CCDC171: variants seen among roughly 807,000 people sequenced by gnomAD.
CCDC171 encodes coiled-coil domain-containing protein 171.
In CCDC171, 177 loss-of-function variants were observed where a neutral mutation model predicts 168.2. The ratio of observed to expected loss-of-function variants is 1.05; its 90% CI spans 0.93 to 1.19. The LOEUF (loss-of-function observed/expected upper bound fraction) is 1.19, where lower values mean the gene tolerates loss of function less well. Ranked by LOEUF, CCDC171 falls within the 50% of genes most tolerant of loss-of-function variation. The pLI is 0.00. For missense variants in CCDC171, 1,991 were observed against 1,539.0 expected (o/e 1.29, Z -4.91); for synonymous variants, 687 against 540.8 (o/e 1.27, Z -3.75).
chr9:16,051,908 A>T (rs1461081212), intron 1 of CCDC171, among the ~76,000 whole-genome samples: 2 of 152,224 alleles, frequency 1.3e-5, no homozygotes, highest in African/African-American at 4.8e-5. Context: ...AGGAAGTCGA[A>T]TGAGGAGCAA....
intron 8 of CCDC171, among the ~76,000 whole-genome samples, chr9:15,663,450 A>G (rs2048472349): frequency 1.3e-5 from 2 of 151,394 alleles, no homozygotes; most frequent in Non-Finnish European, 2.9e-5. Context: ...CCATTCCTCT[A>G]CCCTCCTGCC....
intron 21 of CCDC171, among the ~76,000 whole-genome samples, chr9:15,790,927 G>T (rs1460992169): frequency 2.6e-5 from 4 of 152,264 alleles, no homozygotes; most frequent in Non-Finnish European, 4.4e-5. Flanking sequence ...TATTATTTCT[G>T]AGGGCTCTGT....
At chr9:16,082,304 A>G in the CCDC171 span, among the ~76,000 whole-genome samples, 1 of 152,210 alleles carries the variant, frequency 6.6e-6, no homozygotes, top group African/African-American at 2.4e-5. Context: ...AACATTTCTA[A>G]TCAAGTGAGT....
chr9:15,908,568 C>T (rs1014448043), intron 24 of CCDC171, among the ~76,000 whole-genome samples: 3 of 152,108 alleles, frequency 2.0e-5, no homozygotes, highest in African/African-American at 7.2e-5. Context: ...TGATTAGTTA[C>T]TGGGTGCAGC....
At chr9:15,772,351 CT>C (rs368383020) in intron 18 of CCDC171, among the ~76,000 whole-genome samples, 21 of 148,674 alleles carry the variant, frequency 1.4e-4, no homozygotes, top group South Asian at 2.1e-4. Context: ...TCGCTTACTA[CT>C]TTTTTTTTTG....
chr9:15,632,185 A>G (rs1393225956), intron 7 of CCDC171, among the ~76,000 whole-genome samples: 2 of 146,286 alleles, frequency 1.4e-5, no homozygotes, highest in East Asian at 4.3e-4. Flanking sequence ...ATTAGGCAGG[A>G]GAAGGAAATA....
the CCDC171 span, among the ~76,000 whole-genome samples, chr9:16,090,676 A>G: frequency 3.9e-5 from 6 of 152,376 alleles, no homozygotes; most frequent in Admixed American, 1.3e-4. Context: ...ACTTCTCACC[A>G]TGAAGTTTAT....
chr9:15,828,467 C>G (rs2060104606), intron 21 of CCDC171, among the ~76,000 whole-genome samples: 1 of 152,042 alleles, frequency 6.6e-6, no homozygotes, highest in Admixed American at 6.6e-5. Context: ...AATAATTTTG[C>G]TTATTGTATA....
chr9:16,033,890 G>T (rs1833413279), intron 6 of CCDC171, among the ~76,000 whole-genome samples: 1 of 152,212 alleles, frequency 6.6e-6, no homozygotes, highest in African/African-American at 2.4e-5. Context: ...AAGGGCAGGT[G>T]TGCCTCCTGG....
chr9:15,591,309 G>T, intron 4 of CCDC171, 57 bp from the exon 5 acceptor site: 1 of 1,083,644 alleles, frequency 9.2e-7, no homozygotes, highest in Non-Finnish European at 1.4e-6. Flanking sequence ...TAGGTTTTGG[G>T]GCTCCTTGTT....
chr9:15,657,061 CTGT>C, intron 7 of CCDC171, 63 bp from the exon 8 acceptor site: 1 of 850,878 alleles, frequency 1.2e-6, no homozygotes, highest in Non-Finnish European at 1.8e-6. Context: ...TAATGCTGGA[CTGT>C]AGTGATCCAT....
chr9:16,092,956 G>C, the CCDC171 span, among the ~76,000 whole-genome samples: 2 of 152,216 alleles, frequency 1.3e-5, no homozygotes, highest in South Asian at 4.1e-4. Context: ...TGGTCCTCGT[G>C]CTGGCAGAGC....
chr9:15,647,459 C>A (rs1388217442), intron 7 of CCDC171, among the ~76,000 whole-genome samples: 1 of 152,010 alleles, frequency 6.6e-6, no homozygotes, highest in Non-Finnish European at 1.5e-5. Context: ...AATTTAGCAG[C>A]TGGTTTTTTT....
intron 24 of CCDC171, among the ~76,000 whole-genome samples, chr9:15,903,748 G>A (rs573874367): frequency 4.6e-5 from 7 of 152,222 alleles, no homozygotes; most frequent in African/African-American, 1.7e-4. Context: ...GAGGAAGTTC[G>A]AACCCATGGC....
In CCDC171 at chr9:15,784,641, T is replaced by A; in HGVS notation, c.3214T>A (p.Leu1072Met). ...QLQELNYKLE[L>M]HSSEEADKNQ... ...ACAGGAATTGAATTATAAACTTGAA[T>A]TGCACTCCAGTGAGGAAGCTGACAA... Residue 1072 changes from leucine (L) to methionine (M), a missense_variant, in exon 21 of 26, where the codon TTG (leucine) becomes ATG (methionine). By Grantham distance (15) the Leu-to-Met change is conservative. Transcript: ENST00000380701. The A allele has an allele frequency of 6.2e-7, 1 of 1,613,406 alleles. No homozygotes were observed. Among genetic ancestry groups the A allele is most frequent in the Non-Finnish European group, 8.5e-7 (1 of 1,179,610 alleles).
intron 9 of CCDC171, among the ~76,000 whole-genome samples, chr9:15,676,613 C>G (rs1451991955): frequency 2.0e-5 from 3 of 152,110 alleles, no homozygotes; most frequent in Non-Finnish European, 2.9e-5. Context: ...GGAATTCCCT[C>G]TAATTCTCTT....
At chr9:15,949,629 T>A (rs1411615685) in intron 25 of CCDC171, among the ~76,000 whole-genome samples, 1 of 152,216 alleles carries the variant, frequency 6.6e-6, no homozygotes, top group African/African-American at 2.4e-5. Flanking sequence ...TGTATAAGAA[T>A]GCTTGTGATT....
At chr9:16,070,119 A>G in the CCDC171 span, among the ~76,000 whole-genome samples, 1 of 152,088 alleles carries the variant, frequency 6.6e-6, no homozygotes, top group Non-Finnish European at 1.5e-5. Flanking sequence ...TTAAACTCCA[A>G]TGAGCTGAAG....
At chr9:16,049,776 A>T (rs778870664) in intron 1 of CCDC171, among the ~76,000 whole-genome samples, 1 of 152,192 alleles carries the variant, frequency 6.6e-6, no homozygotes, top group Admixed American at 6.5e-5. Context: ...CAATTCCCCA[A>T]TAAATCCCCT....
Sources: gnomAD v4.1 joint callset for allele counts (sites outside exome capture counted in the v4.1 genomes callset) on GRCh38, gnomAD v4.1.1 for gene constraint, MANE v1.5 for transcripts, NCBI Gene and HGNC (gene_info 2026-07-23, HGNC 2026-07-21) for gene names.